The following PSG4 variants were observed in gnomAD, a reference collection of about 807,000 sequenced individuals.
PSG4 encodes pregnancy-specific beta-1-glycoprotein 4.
Under a neutral mutation model 44.3 loss-of-function variants are expected in PSG4, and 61 were observed. That is an observed-to-expected ratio of 1.38 (90% confidence interval 1.12 to 1.70). The LOEUF (loss-of-function observed/expected upper bound fraction) is 1.70, where lower values mean the gene tolerates loss of function less well. Ranked by LOEUF, PSG4 falls within the 40% of genes most tolerant of loss-of-function variation. The pLI is 0.00. For synonymous variants in PSG4, 248 were observed against 191.3 expected, an observed-to-expected ratio of 1.30 and a Z score of -2.45; for missense variants, 677 against 511.7, an observed-to-expected ratio of 1.32 and a Z score of -3.12.
Position 43,193,034 on chromosome 19 carries a change from T to C in PSG4, c.*338A>G. 1 of 570,944 alleles carries C rather than the reference T, an allele frequency of 1.8e-6. No homozygotes were observed. Among genetic ancestry groups the C allele is most frequent in the Non-Finnish European group, 3.1e-6 (1 of 320,898 alleles). 35.4% of individuals were successfully genotyped at this position (570,944 alleles called of 1,614,324 possible). On this transcript the variant is annotated 3_prime_UTR_variant, in exon 6 of 6. Coordinates refer to ENST00000405312, the MANE Select transcript of PSG4 (RefSeq NM_002780.5). Reference sequence around the variant, plus strand: ...CTACTACATGTGAAATTCTAATGACTGCATTATCCTGCCAAGTGAAAGAGG... The same window carrying C: ...CTACTACATGTGAAATTCTAATGACCGCATTATCCTGCCAAGTGAAAGAGG...
intron 3 of PSG4, among the ~76,000 whole-genome samples, 171 bp from the exon 4 acceptor site, chr19:43,195,444 A>C (rs1967200855): frequency 6.6e-6 from 1 of 151,458 alleles, no homozygotes; most frequent in Admixed American, 6.6e-5. Flanking sequence ...GGGCTCAAAG[A>C]CTGTGAGGCC....
rs780221218 is a variant in PSG4, at chr19:43,195,297, T to C, written c.710-24A>G. The C allele has an allele frequency of 3.1e-5, 50 of 1,605,910 alleles. 3 individuals carry two copies. Among genetic ancestry groups the C allele is most frequent in the Non-Finnish European group, 2.6e-6 (3 of 1,175,642 alleles). On this transcript the variant is annotated intron_variant, in intron 3 of 5. Transcript: ENST00000405312. ...TGCTGTGTGGATAACAGAGAGAAGA[T>C]TGTCCTGTGTGGCACCTTTGATTCC...
In PSG4 at chr19:43,193,154, G is replaced by T. The variant is rs1162244286; in HGVS notation, c.*218C>A. ...TTGGAAAAACTGTCCACAGTGTGAA[G>T]TCATCAACTTGTTATCCTGGTTTAC... On this transcript the variant is annotated 3_prime_UTR_variant, in exon 6 of 6. Coordinates refer to ENST00000405312, the MANE Select transcript of PSG4 (RefSeq NM_002780.5). 1.4e-6 allele frequency: 1 copy of T among 706,420 alleles called. No homozygotes were observed. Among genetic ancestry groups the T allele is most frequent in the Non-Finnish European group, 2.6e-6 (1 of 386,610 alleles). 43.8% of individuals were successfully genotyped at this position (706,420 alleles called of 1,614,324 possible). A position where few individuals can be genotyped will look rare whatever the true frequency, so the allele number is the denominator to read the frequency against.
intron 2 of PSG4, chr19:43,198,572 C>T (rs1376468113): frequency 7.2e-6 from 3 of 419,490 alleles, no homozygotes; most frequent in Non-Finnish European, 1.2e-5. Context: ...TGAGTTCCTC[C>T]GTCTCCAACT....
intron 5 of PSG4, chr19:43,193,754 T>A: frequency 1.9e-6 from 1 of 533,618 alleles, no homozygotes; most frequent in Non-Finnish European, 3.4e-6. Context: ...ATTCTATCTA[T>A]ATTCTTGAAT....
intron 1 of PSG4, among the ~76,000 whole-genome samples, chr19:43,205,119 T>G (rs1317142376): frequency 8.3e-6 from 1 of 120,744 alleles, no homozygotes; most frequent in Admixed American, 8.2e-5. Context: ...TTCTTTTTTT[T>G]TTTTTTGAGA....
rs900862095 is a variant in PSG4, at chr19:43,193,306, G to A, written c.*66C>T. 1 of 774,484 alleles carries A rather than the reference G, an allele frequency of 1.3e-6. No homozygotes were observed. The highest frequency in any genetic ancestry group is 1.7e-5 in the Admixed American group (1 of 58,890). 48.0% of individuals were successfully genotyped at this position (774,484 alleles called of 1,614,324 possible). A position where few individuals can be genotyped will look rare whatever the true frequency, so the allele number is the denominator to read the frequency against. The stretch of plus-strand genomic sequence containing the variant: ...CCACCTCCAGCTTATAGGGCTTCTG[G>A]AACAGAGTGGGTCTTGCTCTTCGTG... On this transcript the variant is annotated 3_prime_UTR_variant, in exon 6 of 6. Transcript: ENST00000405312.
rs903696542 is a variant in PSG4, at chr19:43,194,271, C to G, written c.1243+69G>C. 5.8e-5 allele frequency: 94 copies of G among 1,609,364 alleles called. 3 individuals are homozygous for G. The highest frequency in any genetic ancestry group is 7.6e-5 in the Non-Finnish European group (89 of 1,178,372). On this transcript the variant is annotated intron_variant, in intron 5 of 5. Coordinates refer to ENST00000405312, the MANE Select transcript of PSG4 (RefSeq NM_002780.5). ...AGGCTGGGAATAAAAATGTTTTCCTCACTCTTCCCTGAATGCCAGATAGAC... is the reference window on the plus strand; with the variant it reads ...AGGCTGGGAATAAAAATGTTTTCCTGACTCTTCCCTGAATGCCAGATAGAC...
Position 43,195,092 on chromosome 19 carries a change from T to C in PSG4, c.891A>G (p.Leu297=). The change falls in exon 4 of 6, where the codon CTA becomes CTG. Residue 297 remains leucine, a synonymous_variant. Transcript: ENST00000405312. Reference sequence around the variant, plus strand: ...CTGTTTCATTTCTCGTGACATTGGGTAGAATGAGGATCCTGTTTTCAATGG... The same window carrying C: ...CTGTTTCATTTCTCGTGACATTGGGCAGAATGAGGATCCTGTTTTCAATGG... The part of the protein sequence containing the change: ...KRPIENRILI[L]PNVTRNETGP... 13 of 1,611,030 alleles carry C rather than the reference T, an allele frequency of 8.1e-6. No homozygotes were observed. Among genetic ancestry groups the C allele is most frequent in the Non-Finnish European group, 1.1e-5 (13 of 1,179,062 alleles).
Position 43,204,159 on chromosome 19 carries a change from G to T in PSG4, c.157C>A (p.Leu53Ile). 6.3e-7 allele frequency: 1 copy of T among 1,587,282 alleles called. No individual in the cohort carries two copies. Among genetic ancestry groups the T allele is most frequent in the Non-Finnish European group, 8.5e-7 (1 of 1,171,614 alleles). ...PKVSEGKDVL[L>I]LVHNLPQNLA... ...TTCTGGGGCAAATTGTGGACAAGTA[G>T]AAGAACATCCTTCCCCTCAGAAACT... The change falls in exon 2 of 6, where the codon CTA (leucine) becomes ATA (isoleucine). Residue 53 changes from leucine (L) to isoleucine (I), a missense_variant. Coordinates refer to ENST00000405312, the MANE Select transcript of PSG4 (RefSeq NM_002780.5).
chr19:43,199,656 T>A (rs1967416336), intron 2 of PSG4, among the ~76,000 whole-genome samples: 1 of 144,996 alleles, frequency 6.9e-6, no homozygotes, highest in South Asian at 2.2e-4. Context: ...TTTGTAATAC[T>A]GTAATTTTCC....
rs994694373 is a variant in PSG4, at chr19:43,195,179, G to A, written c.804C>T (p.Asn268=). The A allele has an allele frequency of 6.2e-7, 1 of 1,610,258 alleles. No individual in the cohort carries two copies. The highest frequency in any genetic ancestry group is 1.1e-5 in the South Asian group (1 of 90,946). ...LTFTCEPKSK[N]YTYIWWLNGQ... ...CATTTAGCCACCAAATGTAGGTGTAGTTCTTACTCTTAGGTTCACAGGTGA... is the reference window on the plus strand; with the variant it reads ...CATTTAGCCACCAAATGTAGGTGTAATTCTTACTCTTAGGTTCACAGGTGA... Residue 268 remains asparagine, a synonymous_variant, in exon 4 of 6, where the codon AAC becomes AAT. Transcript: ENST00000405312.
intron 5 of PSG4, chr19:43,193,924 G>A (rs897814395): frequency 1.4e-5 from 10 of 738,620 alleles, no homozygotes; most frequent in African/African-American, 1.2e-4. Context: ...GTCAGGTAGA[G>A]AGCAAAAGTA....
intron 2 of PSG4, among the ~76,000 whole-genome samples, chr19:43,200,725 G>A (rs1439700512): frequency 5.5e-5 from 8 of 145,352 alleles, no homozygotes; most frequent in East Asian, 2.4e-4. Flanking sequence ...ACAGGCATCC[G>A]CCACCAAGCC....
chr19:43,199,677 T>A (rs1336172711), intron 2 of PSG4, among the ~76,000 whole-genome samples: 3 of 145,212 alleles, frequency 2.1e-5, no homozygotes, highest in Admixed American at 6.9e-5. Context: ...CGTAAAAAGT[T>A]GTCAGGAATT....
chr19:43,199,719 C>A (rs546224850), intron 2 of PSG4, among the ~76,000 whole-genome samples: 2 of 143,558 alleles, frequency 1.4e-5, no homozygotes, highest in South Asian at 2.2e-4. Flanking sequence ...ACTCTAGTAA[C>A]AAAAAAAAAT....
Position 43,199,177 on chromosome 19 carries a change from A to G in PSG4, c.431-902T>C, listed in dbSNP as rs749525645. 2.4e-4 allele frequency among the ~76,000 whole-genome samples: 35 copies of G among 145,958 alleles called. 3 individuals are homozygous for G. Among genetic ancestry groups the G allele is most frequent in the Non-Finnish European group, 3.7e-4 (25 of 67,222 alleles). ...TATGCGTTTGGTGGATATTAGACCA[A>G]TATTTGGGAAGAAGTCTTGCAGATA... is the stretch of plus-strand genomic sequence containing the variant. On this transcript the variant is annotated intron_variant, in intron 2 of 5. Coordinates refer to ENST00000405312, the MANE Select transcript of PSG4 (RefSeq NM_002780.5).
intron 3 of PSG4, 100 bp from the exon 4 acceptor site, chr19:43,195,373 C>G (rs956990633): frequency 2.6e-5 from 40 of 1,520,858 alleles, no homozygotes; most frequent in Non-Finnish European, 3.4e-5. Flanking sequence ...CTCAGCCCAC[C>G]CGAGTCCTTG....
At chr19:43,202,071 C>T (rs1967538712) in intron 2 of PSG4, among the ~76,000 whole-genome samples, 1 of 145,380 alleles carries the variant, frequency 6.9e-6, no homozygotes, top group Non-Finnish European at 1.5e-5. Context: ...GGGAGGTGGG[C>T]CAGGCCACAG....
Sources: allele counts gnomAD v4.1 joint callset (sites outside exome capture counted in the v4.1 genomes callset), GRCh38; gene constraint gnomAD v4.1.1; transcripts MANE v1.5; gene names NCBI Gene and HGNC (gene_info 2026-07-23, HGNC 2026-07-21).